DECR1: variants seen among roughly 807,000 people sequenced by gnomAD.
DECR1 encodes the protein 2,4-dienoyl-CoA reductase 1, also known as 2,4-dienoyl-CoA reductase [(3E)-enoyl-CoA-producing], mitochondrial.
DECR1 carries 44 observed loss-of-function variants against 38.8 expected under a neutral mutation model. That is an observed-to-expected ratio of 1.13 (90% CI 0.89 to 1.46). DECR1 has a LOEUF of 1.46. DECR1 is among the 40% of genes most tolerant of loss of function. The pLI is 0.00. For synonymous variants in DECR1, 148 were observed against 135.2 expected, an observed-to-expected ratio of 1.09 and a Z score of -0.66; for missense variants, 428 against 405.5, an observed-to-expected ratio of 1.06 and a Z score of -0.48.
At chr8:90,028,153 C>T (rs1287566465) in intron 5 of DECR1, among the ~76,000 whole-genome samples, 1 of 152,108 alleles carries the variant, frequency 6.6e-6, no homozygotes, top group Non-Finnish European at 1.5e-5. Context: ...AGGTTGGCTA[C>T]AGCCTTGCTT....
chr8:90,029,787 C>T (rs1330945798), intron 5 of DECR1, among the ~76,000 whole-genome samples: 2 of 152,102 alleles, frequency 1.3e-5, no homozygotes, highest in Non-Finnish European at 2.9e-5. Flanking sequence ...CTTCCTTGTC[C>T]TCCATAATGG....
intron 8 of DECR1, chr8:90,045,234 G>C: frequency 4.4e-6 from 1 of 227,568 alleles, no homozygotes; most frequent in Non-Finnish European, 8.2e-6. Context: ...ATAAAGAAAA[G>C]AGGTTTAAGG....
At chr8:90,022,546 G>T (rs749077655) in intron 5 of DECR1, among the ~76,000 whole-genome samples, 5 of 151,884 alleles carry the variant, frequency 3.3e-5, no homozygotes, top group Non-Finnish European at 5.9e-5. Flanking sequence ...GTGGGAAGGG[G>T]GGACAGGGAA....
intron 1 of DECR1, chr8:90,006,379 T>C: frequency 1.4e-6 from 1 of 699,194 alleles, no homozygotes; most frequent in Non-Finnish European, 2.6e-6. Flanking sequence ...AAGAATGTTT[T>C]AAACAGGAGA....
At chr8:90,039,895 T>A (rs1254563285) in intron 6 of DECR1, among the ~76,000 whole-genome samples, 1 of 152,228 alleles carries the variant, frequency 6.6e-6, no homozygotes, top group Non-Finnish European at 1.5e-5. Context: ...AAGTATATAA[T>A]AAACATTGGT....
intron 5 of DECR1, 24 bp downstream of exon 5, chr8:90,021,080 A>G (rs932550108): frequency 1.3e-6 from 2 of 1,538,796 alleles, no homozygotes; most frequent in Non-Finnish European, 8.7e-7. Flanking sequence ...CTTTTCTCAT[A>G]TTTATTTGGC....
At chr8:90,047,091 G>T (rs1378550385) in intron 8 of DECR1, among the ~76,000 whole-genome samples, 1 of 152,100 alleles carries the variant, frequency 6.6e-6, no homozygotes, top group Admixed American at 6.6e-5. Flanking sequence ...CCAAATTGTA[G>T]AGACCATCAA....
At chr8:90,016,372 C>T (rs188801112) in intron 1 of DECR1, among the ~76,000 whole-genome samples, 280 of 152,254 alleles carry the variant, frequency 1.8e-3, no homozygotes, top group South Asian at 2.9e-3. Context: ...TGTGGTGGCT[C>T]ATGCCTGTAA....
Position 90,040,598 on chromosome 8 carries a change from A to T in DECR1, c.666-2130A>T, listed in dbSNP as rs186000904. On this transcript the variant is annotated intron_variant, in intron 6 of 9. Coordinates refer to ENST00000220764, the MANE Select transcript of DECR1 (RefSeq NM_001359.2). ...CACCAACCCGTCATTTACATTAGGA[A>T]TTTTTCCTAATGCTATCCCTCCCCT... Among the ~76,000 whole-genome samples, 10 of 152,144 alleles carry T rather than the reference A, an allele frequency of 6.6e-5. No homozygotes were observed. The East Asian group carries it at 1.9e-3, about 30-fold the overall frequency.
At chr8:90,031,780 G>A (rs1391886655) in intron 5 of DECR1, among the ~76,000 whole-genome samples, 1 of 152,096 alleles carries the variant, frequency 6.6e-6, no homozygotes, top group Non-Finnish European at 1.5e-5. Context: ...GCTCAGTTGT[G>A]TATTTAGGCA....
At chr8:90,023,116 A>G (rs1813208008) in intron 5 of DECR1, among the ~76,000 whole-genome samples, 1 of 152,144 alleles carries the variant, frequency 6.6e-6, no homozygotes, top group Non-Finnish European at 1.5e-5. Flanking sequence ...ATTTTTAACA[A>G]TATCATGTCT....
At chr8:90,022,220 G>A (rs918521877) in intron 5 of DECR1, among the ~76,000 whole-genome samples, 2 of 152,258 alleles carry the variant, frequency 1.3e-5, no homozygotes, top group South Asian at 4.1e-4. Flanking sequence ...AGCTGGCTAG[G>A]TTCCTCCCTC....
At chr8:90,016,966 A>C in intron 1 of DECR1, 158 bp from the exon 2 acceptor site, 1 of 603,538 alleles carries the variant, frequency 1.7e-6, no homozygotes, top group Non-Finnish European at 2.9e-6. Flanking sequence ...AAATCAGAAA[A>C]CAAAGAATAA....
In DECR1 at chr8:90,030,888, A is replaced by G. The variant is rs778923579; in HGVS notation, c.566-5953A>G. Among the ~76,000 whole-genome samples the G allele has an allele frequency of 9.8e-4, 150 of 152,288 alleles. 2 individuals carry two copies. The highest frequency in any genetic ancestry group is 6.0e-3 in the Admixed American group (91 of 15,274). ...TATCCTTTTGAAATCACTTTTTTCT[A>G]GAGTCATCTCGTTTGATGGGAGAGT... On this transcript the variant is annotated intron_variant, in intron 5 of 9. Transcript: ENST00000220764.
At chr8:90,028,117 TCTGGCAG>T in intron 5 of DECR1, among the ~76,000 whole-genome samples, 1 of 152,294 alleles carries the variant, frequency 6.6e-6, no homozygotes, top group African/African-American at 2.4e-5. Context: ...TTGCACCTGC[TCTGGCAG>T]CTTTGTCCAA....
At chr8:90,021,156 C>G (rs758630630) in intron 5 of DECR1, 100 bp downstream of exon 5, 6 of 831,280 alleles carry the variant, frequency 7.2e-6, no homozygotes, top group Non-Finnish European at 1.0e-5. Context: ...ACAGTCTACA[C>G]TTGTACAACT....
chr8:90,013,185 C>T (rs1451872171), intron 1 of DECR1, among the ~76,000 whole-genome samples: 5 of 152,066 alleles, frequency 3.3e-5, no homozygotes, highest in African/African-American at 7.2e-5. Flanking sequence ...ATGATGACGA[C>T]GATGATAAAT....
chr8:90,025,659 A>G (rs1813315870), intron 5 of DECR1, among the ~76,000 whole-genome samples: 2 of 152,188 alleles, frequency 1.3e-5, no homozygotes, highest in African/African-American at 4.8e-5. Flanking sequence ...CAATCATGTC[A>G]TCTGCAAACA....
intron 2 of DECR1, 42 bp from the exon 3 acceptor site, chr8:90,018,867 T>G (rs1813075033): frequency 7.0e-7 from 1 of 1,434,394 alleles, no homozygotes; most frequent in Non-Finnish European, 9.7e-7. Context: ...TTTATGAAAT[T>G]GAAAAATATA....
Sources: gnomAD v4.1 joint callset for allele counts (sites outside exome capture counted in the v4.1 genomes callset) on GRCh38, gnomAD v4.1.1 for gene constraint, MANE v1.5 for transcripts, NCBI Gene and HGNC (gene_info 2026-07-23, HGNC 2026-07-21) for gene names.